SYT2: variants seen among roughly 807,000 people sequenced by gnomAD.
The protein encoded by SYT2 is synaptotagmin 2, also known as synaptotagmin-2.
In SYT2, 15 loss-of-function variants were observed where a neutral mutation model predicts 39.9. The observed-to-expected ratio is 0.38, with a 90% CI of 0.25 to 0.58. SYT2 has a LOEUF of 0.58. SYT2 is among the 20% of genes least tolerant of loss of function. The pLI, the probability that SYT2 is intolerant of heterozygous loss-of-function variation, is 0.70. For synonymous variants in SYT2, 181 were observed against 204.5 expected (o/e 0.89, Z 0.98); for missense variants, 389 against 530.3 (o/e 0.73, Z 2.62).
chr1:202,636,745 C>T (rs1691749339), intron 1 of SYT2, among the ~76,000 whole-genome samples: 1 of 152,174 alleles, frequency 6.6e-6, no homozygotes, highest in Non-Finnish European at 1.5e-5. Flanking sequence ...TTTACAGCAC[C>T]GTTGTGTCAG....
chr1:202,667,314 G>A (rs1265572719), intron 1 of SYT2, among the ~76,000 whole-genome samples: 1 of 152,154 alleles, frequency 6.6e-6, no homozygotes, highest in Non-Finnish European at 1.5e-5. Context: ...GAGGCAAAGA[G>A]AGAAAGGGAT....
intron 1 of SYT2, among the ~76,000 whole-genome samples, chr1:202,646,399 C>T (rs1394704129): frequency 6.6e-6 from 1 of 152,212 alleles, no homozygotes. Context: ...GTGCCCTGTG[C>T]TTCTCCTCTG....
intron 7 of SYT2, 71 bp downstream of exon 7, chr1:202,600,286 G>T: frequency 7.7e-7 from 1 of 1,298,746 alleles, no homozygotes; most frequent in Non-Finnish European, 1.1e-6. Flanking sequence ...ACTGGAGTGT[G>T]CAAACTCTGG....
chr1:202,669,833 G>A lies in SYT2; in HGVS notation c.-18+40425C>T, dbSNP rs547146138. Reference sequence around the variant, plus strand: ...AGACCATAGTTGAGTAGAAAGACACGAAACATGTCTCTCATTCAGTCAACC... The same window carrying A: ...AGACCATAGTTGAGTAGAAAGACACAAAACATGTCTCTCATTCAGTCAACC... On this transcript the variant is annotated intron_variant, in intron 1 of 8. Coordinates refer to ENST00000367268, the MANE Select transcript of SYT2 (RefSeq NM_177402.5). Among the ~76,000 whole-genome samples the A allele has an allele frequency of 2.2e-4, 33 of 151,720 alleles. 1 individual carries two copies. Among genetic ancestry groups the A allele is most frequent in the African/African-American group, 6.8e-4 (28 of 41,362 alleles).
intron 1 of SYT2, among the ~76,000 whole-genome samples, chr1:202,662,609 C>T (rs1016568504): frequency 6.6e-6 from 1 of 152,208 alleles, no homozygotes. Context: ...ACTCCATCCT[C>T]TCTAGGTGAG....
chr1:202,661,017 A>G (rs1354310264), intron 1 of SYT2, among the ~76,000 whole-genome samples: 1 of 152,160 alleles, frequency 6.6e-6, no homozygotes, highest in Non-Finnish European at 1.5e-5. Context: ...GCACATGCTT[A>G]TTGAGCATCT....
intron 1 of SYT2, among the ~76,000 whole-genome samples, chr1:202,613,836 AG>A (rs1313788955): frequency 6.6e-6 from 1 of 152,238 alleles, no homozygotes; most frequent in Admixed American, 6.5e-5. Flanking sequence ...TGTAGTCCCA[AG>A]AATGCCAACC....
chr1:202,694,616 A>G (rs1447124608), intron 1 of SYT2, among the ~76,000 whole-genome samples: 2 of 152,014 alleles, frequency 1.3e-5, no homozygotes, highest in Non-Finnish European at 2.9e-5. Context: ...CAGCAATAAC[A>G]TTACGGCACT....
intron 1 of SYT2, among the ~76,000 whole-genome samples, chr1:202,645,665 A>G (rs1267754020): frequency 1.3e-5 from 2 of 152,246 alleles, no homozygotes; most frequent in African/African-American, 4.8e-5. Context: ...CACTTCTGTA[A>G]GGTTATGTCT....
chr1:202,613,619 A>G (rs1690951365), intron 1 of SYT2, among the ~76,000 whole-genome samples: 1 of 152,120 alleles, frequency 6.6e-6, no homozygotes, highest in Non-Finnish European at 1.5e-5. Context: ...TTCATTTAAT[A>G]TAATGTAAGC....
chr1:202,642,185 G>A (rs1342103917), intron 1 of SYT2, among the ~76,000 whole-genome samples: 9 of 152,022 alleles, frequency 5.9e-5, no homozygotes, highest in East Asian at 1.9e-4. Flanking sequence ...CATAGGACAG[G>A]TCAGAATGGA....
intron 1 of SYT2, among the ~76,000 whole-genome samples, chr1:202,615,043 A>G (rs1690995801): frequency 6.6e-6 from 1 of 152,192 alleles, no homozygotes; most frequent in South Asian, 2.1e-4. Flanking sequence ...ACTCCAGAGG[A>G]AAGCGGGGAA....
At chr1:202,668,934 T>A (rs1330706389) in intron 1 of SYT2, among the ~76,000 whole-genome samples, 1 of 152,212 alleles carries the variant, frequency 6.6e-6, no homozygotes, top group South Asian at 2.1e-4. Context: ...CAGGTAGAAA[T>A]GACTGGCTGA....
chr1:202,656,645 C>A (rs1166240622), intron 1 of SYT2, among the ~76,000 whole-genome samples: 2 of 152,240 alleles, frequency 1.3e-5, no homozygotes, highest in Non-Finnish European at 2.9e-5. Flanking sequence ...CACATGTTAA[C>A]TTTGACATAC....
intron 1 of SYT2, among the ~76,000 whole-genome samples, chr1:202,649,922 G>T (rs1324163004): frequency 1.3e-5 from 2 of 152,222 alleles, no homozygotes; most frequent in Non-Finnish European, 2.9e-5. Flanking sequence ...AGACCGCACA[G>T]CCAACTTCAG....
intron 1 of SYT2, among the ~76,000 whole-genome samples, chr1:202,638,729 G>A (rs1572647920): frequency 1.3e-5 from 2 of 152,330 alleles, no homozygotes; most frequent in South Asian, 4.1e-4. Flanking sequence ...TTCCTTTTCA[G>A]AAACACTCCC....
chr1:202,599,029 C>T lies in SYT2; in HGVS notation c.1053+189G>A, dbSNP rs111584646. Among the ~76,000 whole-genome samples the T allele has an allele frequency of 6.6e-6, 1 of 152,164 alleles. No homozygotes were observed. Among genetic ancestry groups the T allele is most frequent in the East Asian group, 1.9e-4 (1 of 5,190 alleles). ...TTTTTGAATTAGTTCATGTTTATCTCCTCAGAAAAGGGGGATCCCTGAAGC... is the reference window on the plus strand; with the variant it reads ...TTTTTGAATTAGTTCATGTTTATCTTCTCAGAAAAGGGGGATCCCTGAAGC... On this transcript the variant is annotated intron_variant, in intron 8 of 8. Coordinates refer to ENST00000367268, the MANE Select transcript of SYT2 (RefSeq NM_177402.5). The surrounding 1 kb of genome is among the most constrained non-coding windows in gnomAD (Gnocchi z 4.4).
rs991730108 is a variant in SYT2 at position 202,596,794 on chromosome 1, T to G, written c.1223A>C (p.Glu408Ala). The part of the protein sequence containing the change: ...PIAQWHSLKP[E>A]EEVDALLGKN... ...GCCCAGGAGTGCATCCACCTCCTCC[T>G]CAGGCTTGAGCGAGTGCCACTGGGC... is the stretch of plus-strand genomic sequence containing the variant. The change falls in exon 9 of 9, where the codon GAG becomes GCG. Residue 408 changes from glutamate (E) to alanine (A), a missense_variant. Glu to Ala is a moderately radical substitution (Grantham distance 107). Transcript: ENST00000367268. The G allele has an allele frequency of 6.2e-7, 1 of 1,614,042 alleles. No individual in the cohort carries two copies. The highest frequency in any genetic ancestry group is 1.3e-5 in the African/African-American group (1 of 74,942).
At chr1:202,683,256 C>T (rs530961022) in intron 1 of SYT2, among the ~76,000 whole-genome samples, 4 of 152,262 alleles carry the variant, frequency 2.6e-5, no homozygotes, top group East Asian at 1.9e-4. Context: ...CAAGTATGTT[C>T]GCAGCAGCAC....
Sources: allele counts gnomAD v4.1 joint callset (sites outside exome capture counted in the v4.1 genomes callset), GRCh38; gene constraint gnomAD v4.1.1; non-coding constraint Gnocchi (gnomAD v3.1); transcripts MANE v1.5; gene names NCBI Gene and HGNC (gene_info 2026-07-23, HGNC 2026-07-21).